Variants in DEPDC5 observed in about 807,000 individuals in gnomAD.
The protein encoded by DEPDC5 is DEP domain containing 5, GATOR1 subcomplex subunit.
Under a neutral mutation model 217.3 loss-of-function variants are expected in DEPDC5, and 73 were observed. That is an observed-to-expected ratio of 0.34 (90% CI 0.28 to 0.41). The LOEUF (loss-of-function observed/expected upper bound fraction) is 0.41. Ranked by LOEUF, DEPDC5 falls within the 10% of genes least tolerant of loss-of-function variation. DEPDC5 has a pLI of 1.00. For synonymous variants in DEPDC5, 733 were observed against 756.7 expected (o/e 0.97, Z 0.51); for missense variants, 1,675 against 2,070.1 (o/e 0.81, Z 3.70).
chr22:31,817,069 G>C (rs1183490948), intron 21 of DEPDC5: 1 of 160,260 alleles, frequency 6.2e-6, no homozygotes, highest in Non-Finnish European at 1.4e-5. Context: ...TGTGGAAATG[G>C]TACACATTGT....
intron 21 of DEPDC5, chr22:31,816,128 C>T (rs1030260339): frequency 8.5e-6 from 5 of 591,704 alleles, no homozygotes; most frequent in Non-Finnish European, 1.1e-5. Context: ...GGTGAAACGC[C>T]GTCTCTACTC....
intron 17 of DEPDC5, 70 bp downstream of exon 17, chr22:31,804,985 T>G: frequency 1.4e-6 from 2 of 1,418,010 alleles, no homozygotes; most frequent in Non-Finnish European, 2.0e-6. Flanking sequence ...TTTCTTTAAA[T>G]CTGTTAAGTT....
chr22:31,870,672 A>G lies in DEPDC5; in HGVS notation c.3413A>G (p.Asn1138Ser). Residue 1138 changes from asparagine (N) to serine (S), a missense_variant, in exon 34 of 43, where the codon AAC (asparagine) becomes AGC (serine). Asn to Ser is a conservative substitution (Grantham distance 46). This residue lies in a region of DEPDC5 where 9 missense variants were observed against 25.7 expected (regional missense o/e 0.35). Coordinates refer to ENST00000651528, the MANE Select transcript of DEPDC5 (RefSeq NM_001242896.3). ...ACAGGCCAATCCATGGACAGAGGCA[A>G]CAGCCAGACCTTTGGGAACTCCCAG... is the stretch of plus-strand genomic sequence containing the variant. Reference protein sequence around the residue: ...ICTGQSMDRGNSQTFGNSQNI... With the variant: ...ICTGQSMDRGSSQTFGNSQNI... 1.9e-6 allele frequency: 3 copies of G among 1,604,264 alleles called. No homozygotes were observed. Among genetic ancestry groups the G allele is most frequent in the Non-Finnish European group, 2.6e-6 (3 of 1,176,018 alleles).
Position 31,822,873 on chromosome 22 carries a change from G to A in DEPDC5, c.2104+83G>A, listed in dbSNP as rs1222828827. The A allele has an allele frequency of 2.9e-6, 4 of 1,380,480 alleles. No individual in the cohort carries two copies. The East Asian group carries it at 9.7e-5, about 33-fold the overall frequency. The allele number at this position is 1,380,480 out of a possible 1,614,324, so 85.5% of individuals were successfully genotyped here. ...ATGACACAAGGGCCAGAAAAGCAGG[G>A]CCATGTCTATTTTGAGATCATTTCA... On this transcript the variant is annotated intron_variant, in intron 24 of 42. Coordinates refer to ENST00000651528, the MANE Select transcript of DEPDC5 (RefSeq NM_001242896.3).
At chr22:31,877,749 CAAAAAAAAA>C (rs136870) in intron 37 of DEPDC5, among the ~76,000 whole-genome samples, 3 of 62,862 alleles carry the variant, frequency 4.8e-5, no homozygotes, top group Non-Finnish European at 8.5e-5. Flanking sequence ...GACTCCATCT[CAAAAAAAAA>C]AAAAAAAAAA....
chr22:31,906,780 G>C lies in DEPDC5; in HGVS notation c.*283G>C. On this transcript the variant is annotated 3_prime_UTR_variant, in exon 43 of 43. Coordinates refer to ENST00000651528, the MANE Select transcript of DEPDC5 (RefSeq NM_001242896.3). This position sits in a 1 kb window ranked among gnomAD's most constrained non-coding sequence, Gnocchi z 5.1. ...GGAGGCACAGATTGTCCGTGGGAGG[G>C]CTCCAGTGTCTGGGAAGAGGGCAGG... 1 of 519,224 alleles carries C rather than the reference G, an allele frequency of 1.9e-6. No homozygotes were observed. Among genetic ancestry groups the C allele is most frequent in the Non-Finnish European group, 3.4e-6 (1 of 290,272 alleles). The allele number at this position is 519,224 out of a possible 1,614,324, so 32.2% of individuals were successfully genotyped here. A position where few individuals can be genotyped will look rare whatever the true frequency, so the allele number is the denominator to read the frequency against.
At chr22:31,788,753 T>G (rs2085302945) in intron 10 of DEPDC5, among the ~76,000 whole-genome samples, 1 of 151,920 alleles carries the variant, frequency 6.6e-6, no homozygotes, top group South Asian at 2.1e-4. Flanking sequence ...TTTTTGTGTT[T>G]TTAGTAGAGA....
At chr22:31,838,366 A>G (rs1453319617) in intron 26 of DEPDC5, among the ~76,000 whole-genome samples, 3 of 151,932 alleles carry the variant, frequency 2.0e-5, no homozygotes, top group East Asian at 3.9e-4. Flanking sequence ...GCTCACTGCA[A>G]CCTCTGCTGG....
At chr22:31,806,545 A>G (rs1160829011) in intron 18 of DEPDC5, among the ~76,000 whole-genome samples, 1 of 152,248 alleles carries the variant, frequency 6.6e-6, no homozygotes, top group Non-Finnish European at 1.5e-5. Flanking sequence ...ACCAAGACCA[A>G]GAGTTCATTT....
At position 31,765,164 on chromosome 22, in the gene DEPDC5, A is replaced by G; in HGVS notation, c.279+104A>G. The G allele has an allele frequency of 4.5e-6, 4 of 891,198 alleles. 1 individual carries two copies. The highest frequency in any genetic ancestry group is 3.0e-5 in the South Asian group (2 of 66,742). 55.2% of individuals were successfully genotyped at this position (891,198 alleles called of 1,614,324 possible). On this transcript the variant is annotated intron_variant, in intron 5 of 42. Transcript: ENST00000651528. Reference sequence around the variant, plus strand: ...GGTTACTTAAGTGTAGTGTTAGCCTATTAAATGTGTGGCCTGCTAGGTGTG... The same window carrying G: ...GGTTACTTAAGTGTAGTGTTAGCCTGTTAAATGTGTGGCCTGCTAGGTGTG...
At chr22:31,776,040 CAAAAAAA>C (rs753480175) in intron 7 of DEPDC5, among the ~76,000 whole-genome samples, 4 of 46,978 alleles carry the variant, frequency 8.5e-5, no homozygotes, top group East Asian at 7.2e-4. Context: ...GACTACATCT[CAAAAAAA>C]AAAAAAAAAA....
intron 35 of DEPDC5, among the ~76,000 whole-genome samples, chr22:31,873,652 G>A (rs2092912117): frequency 6.6e-6 from 1 of 151,916 alleles, no homozygotes; most frequent in Non-Finnish European, 1.5e-5. Flanking sequence ...TAAGCCACAG[G>A]GTTGATGTAA....
At chr22:31,891,854 C>T (rs1461572330) in intron 38 of DEPDC5, among the ~76,000 whole-genome samples, 3 of 152,182 alleles carry the variant, frequency 2.0e-5, no homozygotes, top group Non-Finnish European at 4.4e-5. Context: ...CTTTTCTTTG[C>T]TTCTGAGCGT....
chr22:31,906,677 TTCTAC>T lies in DEPDC5; in HGVS notation c.*185_*189del. On this transcript the variant is annotated 3_prime_UTR_variant, in exon 43 of 43. Coordinates refer to ENST00000651528, the MANE Select transcript of DEPDC5 (RefSeq NM_001242896.3). The surrounding 1 kb of genome is among the most constrained non-coding windows in gnomAD (Gnocchi z 5.1). ...TTGTTTTTGGCCCCCACGACAAGTCTTCTACTCTAGAAGAAAGACTTTGGAAGCAG... is the reference window on the plus strand; with the variant it reads ...TTGTTTTTGGCCCCCACGACAAGTCTTCTAGAAGAAAGACTTTGGAAGCAG... 1.3e-6 allele frequency: 1 copy of T among 790,108 alleles called. No individual in the cohort carries two copies. Among genetic ancestry groups the T allele is most frequent in the Non-Finnish European group, 2.0e-6 (1 of 507,848 alleles). The allele number at this position is 790,108 out of a possible 1,614,324, so 48.9% of individuals were successfully genotyped here. A position where few individuals can be genotyped will look rare whatever the true frequency, so the allele number is the denominator to read the frequency against.
At chr22:31,870,789 C>T in intron 34 of DEPDC5, 45 bp downstream of exon 34, 1 of 1,462,908 alleles carries the variant, frequency 6.8e-7, no homozygotes, top group South Asian at 1.5e-5. Context: ...GGAGTGGGGA[C>T]AGTCTGATCT....
intron 26 of DEPDC5, 87 bp downstream of exon 26, chr22:31,837,242 T>C (rs2091073109): frequency 7.0e-7 from 1 of 1,423,162 alleles, no homozygotes; most frequent in African/African-American, 1.4e-5. Context: ...GGATTTGTGC[T>C]GGCTTCAGCA....
chr22:31,902,291 A>G (rs2093661076), intron 41 of DEPDC5, among the ~76,000 whole-genome samples: 1 of 151,762 alleles, frequency 6.6e-6, no homozygotes, highest in South Asian at 2.1e-4. Context: ...GTCTCCAAAC[A>G]TCACCAGCCT....
intron 7 of DEPDC5, chr22:31,769,485 G>C (rs2083138963): frequency 6.6e-6 from 1 of 152,076 alleles, no homozygotes; most frequent in South Asian, 2.1e-4. Flanking sequence ...TAGGAAACAG[G>C]TTTAGAAACA....
Position 31,802,700 on chromosome 22 carries a change from C to A in DEPDC5, c.947-4C>A. ...TTATTGTGGAATTTTTGTTTTATTT[C>A]TAGTGTTTGATAAGCACTACATCAA... On this transcript the variant is annotated splice_polypyrimidine_tract_variant and splice_region_variant and intron_variant, in intron 14 of 42. Coordinates refer to ENST00000651528, the MANE Select transcript of DEPDC5 (RefSeq NM_001242896.3). The A allele has an allele frequency of 6.5e-7, 1 of 1,541,676 alleles. No homozygotes were observed. The highest frequency in any genetic ancestry group is 8.8e-7 in the Non-Finnish European group (1 of 1,142,604).
Sources: allele counts gnomAD v4.1 joint callset (sites outside exome capture counted in the v4.1 genomes callset), GRCh38; gene constraint gnomAD v4.1.1; regional missense constraint gnomAD v4.1.1; non-coding constraint Gnocchi (gnomAD v3.1); transcripts MANE v1.5; gene names NCBI Gene and HGNC (gene_info 2026-07-23, HGNC 2026-07-21).